TNS1: variants seen among roughly 807,000 people sequenced by gnomAD.
The protein encoded by TNS1 is tensin 1, also known as tensin-1.
Under a neutral mutation model 168.6 loss-of-function variants are expected in TNS1, and 62 were observed. The observed-to-expected ratio is 0.37, with a 90% CI of 0.30 to 0.45. The LOEUF (loss-of-function observed/expected upper bound fraction) is 0.45, where lower values mean the gene tolerates loss of function less well. TNS1 is among the 20% of genes least tolerant of loss of function. TNS1 has a pLI of 1.00. For missense variants in TNS1, 2,240 were observed against 2,339.4 expected, an observed-to-expected ratio of 0.96 and a Z score of 0.88; for synonymous variants, 934 against 933.2, an observed-to-expected ratio of 1.00 and a Z score of -0.02.
intron 18 of TNS1, among the ~76,000 whole-genome samples, chr2:217,866,918 G>C (rs1351193024): frequency 1.3e-5 from 2 of 152,164 alleles, no homozygotes; most frequent in Non-Finnish European, 2.9e-5. Flanking sequence ...CAACTGCATG[G>C]GGCAGCAGGG....
At chr2:217,939,809 A>T (rs990031304) in intron 3 of TNS1, among the ~76,000 whole-genome samples, 2 of 152,082 alleles carry the variant, frequency 1.3e-5, no homozygotes. Flanking sequence ...AGGCCCACCC[A>T]CCACCCCTCC....
chr2:217,981,702 C>G (rs1000371410), intron 2 of TNS1, among the ~76,000 whole-genome samples: 7 of 152,146 alleles, frequency 4.6e-5, no homozygotes, highest in Admixed American at 4.6e-4. Flanking sequence ...CAAGGAGGCC[C>G]GCTTGCTGAG....
At chr2:217,831,686 T>C in intron 21 of TNS1, 139 bp from the exon 22 acceptor site, 2 of 544,732 alleles carry the variant, frequency 3.7e-6, no homozygotes, top group Middle Eastern at 4.8e-4. Flanking sequence ...GCCCAGCGCT[T>C]TGGCTCCACT....
At chr2:218,019,572 C>T (rs1470584897) in intron 1 of TNS1, among the ~76,000 whole-genome samples, 2 of 152,254 alleles carry the variant, frequency 1.3e-5, no homozygotes, top group Non-Finnish European at 2.9e-5. Context: ...TCTTTCTAGG[C>T]CCTTAGGCCT....
rs1199072597 is a variant in TNS1, at chr2:217,818,514, G to T, written c.3818C>A (p.Ala1273Asp). ...GCTCCCAGGCACCGTGTGGACGCCAGCCACACTGAACTGAGCTCGAGCCTG... is the reference window on the plus strand; with the variant it reads ...GCTCCCAGGCACCGTGTGGACGCCATCCACACTGAACTGAGCTCGAGCCTG... The part of the protein sequence containing the change: ...ESQARAQFSV[A>D]GVHTVPGSPQ... Residue 1273 changes from alanine to aspartate, a missense_variant, in exon 24 of 33, where the codon GCT (alanine) becomes GAT (aspartate). By Grantham distance (126) the Ala-to-Asp change is moderately radical. Coordinates refer to ENST00000682258, the MANE Select transcript of TNS1 (RefSeq NM_001387777.1). 1 of 1,614,258 alleles carries T rather than the reference G, an allele frequency of 6.2e-7. No individual in the cohort carries two copies. The highest frequency in any genetic ancestry group is 2.2e-5 in the East Asian group (1 of 44,888).
chr2:217,987,859 G>T (rs944744512), intron 2 of TNS1, among the ~76,000 whole-genome samples: 1 of 152,138 alleles, frequency 6.6e-6, no homozygotes. Flanking sequence ...AACCATATCG[G>T]GTGGCCCTGG....
At chr2:217,920,484 C>T (rs1575083524) in intron 3 of TNS1, among the ~76,000 whole-genome samples, 2 of 150,964 alleles carry the variant, frequency 1.3e-5, no homozygotes, top group Admixed American at 6.6e-5. Context: ...AATTCTGTGA[C>T]AAATATGCAC....
At chr2:217,856,101 A>G (rs1192635792) in intron 18 of TNS1, among the ~76,000 whole-genome samples, 2 of 152,072 alleles carry the variant, frequency 1.3e-5, no homozygotes, top group African/African-American at 2.4e-5. Context: ...ATGCATCGAA[A>G]AGTTAGGGTG....
intron 22 of TNS1, among the ~76,000 whole-genome samples, 161 bp from the exon 23 acceptor site, chr2:217,822,099 C>T (rs1216590223): frequency 1.3e-5 from 2 of 152,112 alleles, no homozygotes; most frequent in African/African-American, 4.8e-5. Flanking sequence ...CCAGACCCAC[C>T]CTGCCCTGCA....
intron 3 of TNS1, among the ~76,000 whole-genome samples, chr2:217,957,432 G>T (rs1306007193): frequency 3.3e-5 from 5 of 152,162 alleles, no homozygotes; most frequent in Admixed American, 3.3e-4. Context: ...GTACATGAGA[G>T]GGAGCCGACA....
chr2:217,833,805 A>ATTGAT (rs1944799564), intron 21 of TNS1, among the ~76,000 whole-genome samples: 2 of 152,266 alleles, frequency 1.3e-5, no homozygotes, highest in Non-Finnish European at 2.9e-5. Context: ...AACACAAAAC[A>ATTGAT]TCCCGTTCTT....
chr2:217,938,571 T>C (rs1307941347), intron 3 of TNS1, among the ~76,000 whole-genome samples: 2 of 152,220 alleles, frequency 1.3e-5, no homozygotes, highest in African/African-American at 4.8e-5. Context: ...TTTGAAGCAG[T>C]TATTTGGGGA....
intron 1 of TNS1, among the ~76,000 whole-genome samples, chr2:218,022,725 C>A (rs966530864): frequency 2.6e-5 from 4 of 151,000 alleles, no homozygotes; most frequent in Non-Finnish European, 4.4e-5. Context: ...AACATGGAGG[C>A]CATTCTCACA....
chr2:217,851,206 A>G lies in TNS1; in HGVS notation c.1430-2119T>C, dbSNP rs1452105132. Among the ~76,000 whole-genome samples, 2 of 151,504 alleles carry G rather than the reference A, an allele frequency of 1.3e-5. 1 individual carries two copies. Among genetic ancestry groups the G allele is most frequent in the Non-Finnish European group, 2.9e-5 (2 of 67,920 alleles). On this transcript the variant is annotated intron_variant, in intron 18 of 32. Transcript: ENST00000682258. ...CCCCAAATAAATACTTAAAGCCACA[A>G]ATATTTCAGAAAATACAAATGTTCC...
At chr2:217,849,704 T>G (rs1947203077) in intron 18 of TNS1, 1 of 985,308 alleles carries the variant, frequency 1.0e-6, no homozygotes, top group Non-Finnish European at 1.2e-6. Context: ...GAGTTCCCAC[T>G]CTGGATTAGA....
chr2:217,895,204 C>G, intron 8 of TNS1, 148 bp from the exon 9 acceptor site: 1 of 782,668 alleles, frequency 1.3e-6, no homozygotes, highest in Non-Finnish European at 2.1e-6. Context: ...TCCAGCAGAG[C>G]GTCAATGTCC....
intron 22 of TNS1, among the ~76,000 whole-genome samples, chr2:217,823,178 C>CT (rs1392966673): frequency 2.6e-5 from 4 of 152,204 alleles, no homozygotes; most frequent in African/African-American, 9.7e-5. Flanking sequence ...GGCCAGTACA[C>CT]TTTTTTGTAA....
At chr2:217,965,020 A>G (rs1408503357) in intron 3 of TNS1, among the ~76,000 whole-genome samples, 1 of 152,196 alleles carries the variant, frequency 6.6e-6, no homozygotes, top group East Asian at 1.9e-4. Flanking sequence ...GAGCAGAGAT[A>G]AACAACTGCA....
chr2:217,823,502 GGGCATGGCCTCCGTGGAGT>G (rs1360603565), intron 22 of TNS1, among the ~76,000 whole-genome samples: 1 of 152,190 alleles, frequency 6.6e-6, no homozygotes. Flanking sequence ...TGCTGCATAG[GGGCATGGCCTCCGTGGAGT>G]GGCTTCTGGG....
Sources: allele counts gnomAD v4.1 joint callset (sites outside exome capture counted in the v4.1 genomes callset), GRCh38; gene constraint gnomAD v4.1.1; transcripts MANE v1.5; gene names NCBI Gene and HGNC (gene_info 2026-07-23, HGNC 2026-07-21).